The following TADA2A variants were observed in gnomAD, a reference collection of about 807,000 sequenced individuals.
TADA2A encodes transcriptional adapter 2-alpha.
TADA2A carries 38 observed loss-of-function variants against 67.4 expected under a neutral mutation model. The ratio of observed to expected loss-of-function variants is 0.56; its 90% CI spans 0.44 to 0.74. The LOEUF (loss-of-function observed/expected upper bound fraction) is 0.74, where lower values mean the gene tolerates loss of function less well. Among genes scored for constraint, TADA2A ranks in the 30% least tolerant of loss-of-function variants. The pLI, the probability that TADA2A is intolerant of heterozygous loss-of-function variation, is 0.00. For missense variants in TADA2A, 454 were observed against 547.0 expected, an observed-to-expected ratio of 0.83 and a Z score of 1.70; for synonymous variants, 192 against 181.6, an observed-to-expected ratio of 1.06 and a Z score of -0.46.
chr17:37,469,502 G>A (rs1219373526), intron 12 of TADA2A, among the ~76,000 whole-genome samples: 3 of 151,858 alleles, frequency 2.0e-5, no homozygotes, highest in Admixed American at 1.3e-4. Context: ...GCATGGTGGC[G>A]CATGCCTGTA....
In TADA2A at chr17:37,427,001, G is replaced by A; in HGVS notation, c.184G>A (p.Glu62Lys). 2 of 1,584,096 alleles carry A rather than the reference G, an allele frequency of 1.3e-6. No homozygotes were observed. Among genetic ancestry groups the A allele is most frequent in the Non-Finnish European group, 1.7e-6 (2 of 1,164,300 alleles). Residue 62 changes from glutamate (E) to lysine (K), a missense_variant, in exon 4 of 16, where the codon GAA becomes AAA. Around this residue, in one of 2 missense-constraint regions of TADA2A, gnomAD observed 403 missense variants for 455.5 expected, o/e 0.88. Coordinates refer to ENST00000615182, the MANE Select transcript of TADA2A (RefSeq NM_001166105.3). ...YKKHQSDHTYEIMTSDFPVLD... is the reference protein window; with the variant it reads ...YKKHQSDHTYKIMTSDFPVLD... ...GAAACATCAAAGCGATCATACTTATGAAATAATGGTAATGATGAAGTTGCT... is the reference window on the plus strand; with the variant it reads ...GAAACATCAAAGCGATCATACTTATAAAATAATGGTAATGATGAAGTTGCT...
chr17:37,420,065 ATAGT>A (rs1362933668), intron 2 of TADA2A, among the ~76,000 whole-genome samples: 3 of 145,948 alleles, frequency 2.1e-5, no homozygotes, highest in African/African-American at 7.4e-5. Context: ...TAAAAATAGG[ATAGT>A]TGGAGGAAAG....
chr17:37,438,666 T>C (rs1038921546), intron 5 of TADA2A, among the ~76,000 whole-genome samples: 1 of 152,216 alleles, frequency 6.6e-6, no homozygotes, highest in Non-Finnish European at 1.5e-5. Flanking sequence ...CTTGTATTCA[T>C]TCATTCAGTA....
At chr17:37,471,027 C>T in intron 13 of TADA2A, 67 bp from the exon 14 acceptor site, 9 of 1,544,164 alleles carry the variant, frequency 5.8e-6, no homozygotes, top group Middle Eastern at 1.7e-4. Context: ...CACCCAGTCT[C>T]ACCGGGGCTT....
intron 14 of TADA2A, 130 bp from the exon 15 acceptor site, chr17:37,474,426 C>A: frequency 1.3e-6 from 1 of 769,280 alleles, no homozygotes; most frequent in Non-Finnish European, 2.1e-6. Context: ...GGGAATGGGA[C>A]AGGATTTCCT....
At chr17:37,469,629 G>T (rs932186787) in intron 12 of TADA2A, among the ~76,000 whole-genome samples, 1 of 152,000 alleles carries the variant, frequency 6.6e-6, no homozygotes, top group Admixed American at 6.5e-5. Context: ...GCGAAACTCC[G>T]TCTCAAAAAA....
chr17:37,441,365 A>G (rs1397942324), intron 6 of TADA2A, among the ~76,000 whole-genome samples: 7 of 152,122 alleles, frequency 4.6e-5, no homozygotes, highest in Non-Finnish European at 8.8e-5. Flanking sequence ...TTGCTTAGAG[A>G]ATACAGTATT....
chr17:37,456,146 G>T (rs935237766), intron 8 of TADA2A, among the ~76,000 whole-genome samples: 3 of 152,206 alleles, frequency 2.0e-5, no homozygotes, highest in African/African-American at 7.2e-5. Context: ...AGAGGTTGCA[G>T]TGAGCCAAGC....
At chr17:37,419,645 G>A (rs1024729596) in intron 2 of TADA2A, among the ~76,000 whole-genome samples, 2 of 145,506 alleles carry the variant, frequency 1.4e-5, no homozygotes, top group African/African-American at 5.0e-5. Context: ...TGGGTGTAGT[G>A]CACATACATG....
intron 12 of TADA2A, among the ~76,000 whole-genome samples, chr17:37,468,040 C>T (rs2053705096): frequency 6.6e-6 from 1 of 151,790 alleles, no homozygotes. Context: ...CAAGATGGTG[C>T]CACTGTACTC....
intron 7 of TADA2A, 22 bp from the exon 8 acceptor site, chr17:37,444,674 A>G: frequency 6.2e-7 from 1 of 1,610,908 alleles, no homozygotes; most frequent in South Asian, 1.1e-5. Flanking sequence ...TGGGGTGGGG[A>G]TTTTTTTGTT....
intron 9 of TADA2A, 135 bp downstream of exon 9, chr17:37,458,722 G>C (rs1370717447): frequency 1.5e-5 from 10 of 649,660 alleles, no homozygotes; most frequent in South Asian, 1.2e-4. Flanking sequence ...TGTTGCCCAG[G>C]CTGGAGAGCA....
intron 6 of TADA2A, among the ~76,000 whole-genome samples, chr17:37,441,969 A>G (rs1486517646): frequency 6.6e-6 from 1 of 151,906 alleles, no homozygotes; most frequent in Non-Finnish European, 1.5e-5. Flanking sequence ...CCTGGTTGAT[A>G]CCTCCTATTT....
intron 15 of TADA2A, among the ~76,000 whole-genome samples, chr17:37,476,584 A>G (rs1308376341): frequency 6.6e-6 from 1 of 152,128 alleles, no homozygotes; most frequent in Non-Finnish European, 1.5e-5. Context: ...CTCTTCTAGT[A>G]TCACACCCTG....
intron 5 of TADA2A, among the ~76,000 whole-genome samples, chr17:37,438,649 C>A (rs1479550332): frequency 6.6e-6 from 1 of 152,184 alleles, no homozygotes; most frequent in Non-Finnish European, 1.5e-5. Context: ...ATTTAGTTCA[C>A]ATTTTGCTTG....
intron 7 of TADA2A, among the ~76,000 whole-genome samples, chr17:37,442,899 T>TA (rs1297075042): frequency 6.6e-6 from 1 of 152,100 alleles, no homozygotes. Context: ...CTCAGTGGCT[T>TA]ACACCTGTAA....
intron 2 of TADA2A, among the ~76,000 whole-genome samples, chr17:37,422,879 G>A (rs2052288357): frequency 6.6e-6 from 1 of 152,274 alleles, no homozygotes; most frequent in East Asian, 1.9e-4. Context: ...TATTGTATGT[G>A]CAGGTATGTG....
chr17:37,459,073 C>T (rs1001718257), intron 9 of TADA2A, among the ~76,000 whole-genome samples: 5 of 152,104 alleles, frequency 3.3e-5, no homozygotes, highest in Admixed American at 6.6e-5. Flanking sequence ...CTCCTTAGAC[C>T]TCAATTTTTC....
chr17:37,439,945 A>ATTAT (rs2052858976), intron 5 of TADA2A, among the ~76,000 whole-genome samples: 5 of 94,920 alleles, frequency 5.3e-5, no homozygotes, highest in Admixed American at 9.6e-5. Flanking sequence ...TTTATTTATT[A>ATTAT]TTTTTTTTTT....
Sources: allele counts gnomAD v4.1 joint callset (sites outside exome capture counted in the v4.1 genomes callset), GRCh38; gene constraint gnomAD v4.1.1; regional missense constraint gnomAD v4.1.1; transcripts MANE v1.5; gene names NCBI Gene and HGNC (gene_info 2026-07-23, HGNC 2026-07-21).